The following SOCS2 variants were observed in gnomAD, a reference collection of about 807,000 sequenced individuals.
The protein encoded by SOCS2 is suppressor of cytokine signaling 2.
SOCS2 carries 10 observed loss-of-function variants against 18.6 expected under a neutral mutation model. The ratio of observed to expected loss-of-function variants is 0.54; its 90% CI spans 0.33 to 0.91. The LOEUF is 0.91. Among genes scored for constraint, SOCS2 ranks in the 40% least tolerant of loss-of-function variants. The pLI, the probability that SOCS2 is intolerant of heterozygous loss-of-function variation, is 0.02. For missense variants in SOCS2, 231 were observed against 247.2 expected (o/e 0.93, Z 0.44); for synonymous variants, 104 against 104.0 (o/e 1.00, Z 0.00).
At chr12:93,587,914 G>A (rs912300559), downstream of SOCS2, among the ~76,000 whole-genome samples, 15 of 152,184 alleles carry the variant, frequency 9.9e-5, no homozygotes, top group Admixed American at 2.6e-4. Context: ...TGTATTTTAT[G>A]TGGGAAGTGA....
At chr12:93,590,523 G>A in the SOCS2 span, among the ~76,000 whole-genome samples, 1 of 151,884 alleles carries the variant, frequency 6.6e-6, no homozygotes, top group East Asian at 1.9e-4. Context: ...CCGTATGGGC[G>A]TGGTGGCTCA....
the SOCS2 span, among the ~76,000 whole-genome samples, chr12:93,597,091 T>C: frequency 6.6e-6 from 1 of 152,202 alleles, no homozygotes; most frequent in African/African-American, 2.4e-5. Context: ...CCCCCAGTGG[T>C]TGGCTACATC....
chr12:93,604,856 C>T, the SOCS2 span, among the ~76,000 whole-genome samples: 7 of 151,840 alleles, frequency 4.6e-5, no homozygotes, highest in African/African-American at 1.5e-4. Context: ...AGACAGGGTC[C>T]CACTATGTTG....
the SOCS2 span, among the ~76,000 whole-genome samples, chr12:93,622,452 T>C: frequency 3.3e-5 from 5 of 152,336 alleles, no homozygotes; most frequent in East Asian, 7.7e-4. Flanking sequence ...ATGTCAGCTA[T>C]GATGCTGCAC....
At chr12:93,600,842 G>A in the SOCS2 span, among the ~76,000 whole-genome samples, 1 of 150,496 alleles carries the variant, frequency 6.6e-6, no homozygotes, top group Non-Finnish European at 1.5e-5. Flanking sequence ...GGGCTGGAGT[G>A]CAGTGACGTG....
chr12:93,574,683 T>C, intron 1 of SOCS2, 39 bp from the exon 2 acceptor site: 1 of 1,419,394 alleles, frequency 7.0e-7, no homozygotes. Context: ...AATAACTGTT[T>C]TACCCTCTTT....
chr12:93,592,604 T>A, the SOCS2 span, among the ~76,000 whole-genome samples: 1 of 152,256 alleles, frequency 6.6e-6, no homozygotes, highest in Non-Finnish European at 1.5e-5. Context: ...CCATGCATAT[T>A]TCAGATGGAA....
chr12:93,584,664 T>A (rs1954572838), downstream of SOCS2, among the ~76,000 whole-genome samples: 1 of 142,534 alleles, frequency 7.0e-6, no homozygotes, highest in Non-Finnish European at 1.5e-5. Context: ...ATAATGATGC[T>A]ATTATTGGGA....
chr12:93,624,274 A>C, the SOCS2 span, among the ~76,000 whole-genome samples: 2 of 152,168 alleles, frequency 1.3e-5, no homozygotes, highest in Non-Finnish European at 2.9e-5. Context: ...TTCCAGAACT[A>C]TGAAAAATAC....
the SOCS2 span, among the ~76,000 whole-genome samples, chr12:93,614,494 T>C: frequency 2.4e-5 from 1 of 41,638 alleles, no homozygotes; most frequent in South Asian, 9.7e-4. Flanking sequence ...CTTCCTTCCT[T>C]CCTTCCTTCC....
the SOCS2 span, among the ~76,000 whole-genome samples, chr12:93,622,942 C>T: frequency 5.9e-5 from 9 of 152,256 alleles, no homozygotes; most frequent in African/African-American, 1.7e-4. Context: ...AAAAAAATCA[C>T]TTTCAGTTCT....
the SOCS2 span, among the ~76,000 whole-genome samples, chr12:93,625,643 G>C: frequency 8.6e-5 from 13 of 151,510 alleles, no homozygotes; most frequent in African/African-American, 3.2e-4. Context: ...AGCTACTCGG[G>C]AGGCTGAGGC....
chr12:93,571,965 C>T, upstream of SOCS2: 1 of 315,952 alleles, frequency 3.2e-6, no homozygotes, highest in Non-Finnish European at 6.3e-6. Flanking sequence ...TCGCGACCGC[C>T]CGCTCGGCCC....
the SOCS2 span, among the ~76,000 whole-genome samples, chr12:93,617,380 AG>A: frequency 1.3e-5 from 2 of 152,256 alleles, no homozygotes; most frequent in Non-Finnish European, 2.9e-5. Context: ...GGGTTCCTGG[AG>A]TCTTGGTGAT....
the SOCS2 span, among the ~76,000 whole-genome samples, chr12:93,597,304 C>T: frequency 1.3e-5 from 2 of 152,088 alleles, no homozygotes; most frequent in African/African-American, 4.8e-5. Context: ...TGATTTGTTA[C>T]CTATCACTAT....
the SOCS2 span, among the ~76,000 whole-genome samples, chr12:93,623,127 G>T: frequency 1.3e-5 from 2 of 152,118 alleles, no homozygotes; most frequent in African/African-American, 4.8e-5. Context: ...TCAGGGAAGG[G>T]CCTGGTGGGA....
chr12:93,605,304 A>G, the SOCS2 span, among the ~76,000 whole-genome samples: 2 of 152,078 alleles, frequency 1.3e-5, no homozygotes, highest in South Asian at 4.1e-4. Context: ...ATAAGAAATT[A>G]CCCCAAAGTC....
chr12:93,621,074 G>T, the SOCS2 span, among the ~76,000 whole-genome samples: 2 of 152,132 alleles, frequency 1.3e-5, no homozygotes, highest in Admixed American at 1.3e-4. Flanking sequence ...TGCAACTCTT[G>T]TCCTTTGGCG....
intron 1 of SOCS2, chr12:93,573,531 T>C (rs1954340756): frequency 4.1e-6 from 1 of 243,384 alleles, no homozygotes; most frequent in East Asian, 7.6e-5. Context: ...GAGAGTAGGC[T>C]GCGAAGCCCC....
Sources: allele counts gnomAD v4.1 joint callset (sites outside exome capture counted in the v4.1 genomes callset), GRCh38; gene constraint gnomAD v4.1.1; transcripts MANE v1.5; gene names NCBI Gene and HGNC (gene_info 2026-07-23, HGNC 2026-07-21).